PID1: variants seen among roughly 807,000 people sequenced by gnomAD.
PID1 encodes phosphotyrosine interaction domain containing 1.
Under a neutral mutation model 19.1 loss-of-function variants are expected in PID1, and 10 were observed. The observed-to-expected ratio is 0.52, with a 90% CI of 0.32 to 0.89. The LOEUF is 0.89. Ranked by LOEUF, PID1 falls within the 40% of genes least tolerant of loss-of-function variation. PID1 has a pLI of 0.03. For missense variants in PID1, 248 were observed against 285.3 expected (o/e 0.87, Z 0.94); for synonymous variants, 130 against 116.0 (o/e 1.12, Z -0.78).
intron 2 of PID1, among the ~76,000 whole-genome samples, chr2:229,135,027 G>A (rs1222769358): frequency 6.6e-6 from 1 of 152,124 alleles, no homozygotes; most frequent in African/African-American, 2.4e-5. Context: ...TAAAGAAGAG[G>A]AGAAAATAAG....
chr2:229,130,638 C>T (rs1246049982), intron 2 of PID1, among the ~76,000 whole-genome samples: 1 of 152,052 alleles, frequency 6.6e-6, no homozygotes, highest in Non-Finnish European at 1.5e-5. Context: ...AGTTCTCAAT[C>T]CATGTCTGTT....
chr2:229,255,016 A>G (rs1690256061), intron 1 of PID1, among the ~76,000 whole-genome samples: 1 of 152,214 alleles, frequency 6.6e-6, no homozygotes, highest in African/African-American at 2.4e-5. Context: ...CTAAATCTCA[A>G]TGTGATTAGA....
chr2:229,045,889 T>TA (rs1291502245), intron 2 of PID1, among the ~76,000 whole-genome samples: 6 of 152,342 alleles, frequency 3.9e-5, no homozygotes, highest in Admixed American at 3.9e-4. Flanking sequence ...CCTGGTCACT[T>TA]AACATGCTTT....
intron 1 of PID1, among the ~76,000 whole-genome samples, chr2:229,192,521 C>T (rs965817720): frequency 1.3e-5 from 2 of 152,092 alleles, no homozygotes; most frequent in African/African-American, 4.8e-5. Flanking sequence ...TGAGCTATCA[C>T]AAAAAGGAAA....
At chr2:229,039,453 C>T (rs981915018) in intron 2 of PID1, among the ~76,000 whole-genome samples, 1 of 151,996 alleles carries the variant, frequency 6.6e-6, no homozygotes, top group African/African-American at 2.4e-5. Flanking sequence ...TCTAAAAGAG[C>T]CATGTAGAAA....
At chr2:229,059,744 T>C (rs13398087) in intron 2 of PID1, among the ~76,000 whole-genome samples, 9,203 of 152,200 alleles carry the variant, frequency 0.06, 957 homozygotes, top group African/African-American at 0.21. Flanking sequence ...AATTGCAAAA[T>C]CTGTTAAATG....
intron 1 of PID1, among the ~76,000 whole-genome samples, chr2:229,221,072 T>C (rs1025246301): frequency 6.6e-6 from 1 of 152,216 alleles, no homozygotes; most frequent in African/African-American, 2.4e-5. Context: ...ATCACGTACA[T>C]ACATCTGGTA....
chr2:229,203,217 C>T (rs145022281), intron 1 of PID1, among the ~76,000 whole-genome samples: 48 of 152,116 alleles, frequency 3.2e-4, no homozygotes, highest in African/African-American at 1.0e-3. Flanking sequence ...CTGATATAGA[C>T]GGTAGGGCTA....
intron 2 of PID1, among the ~76,000 whole-genome samples, chr2:229,027,349 G>T (rs549103028): frequency 1.3e-5 from 2 of 152,320 alleles, no homozygotes; most frequent in South Asian, 4.1e-4. Flanking sequence ...TAACACATAG[G>T]CATGGGGATT....
chr2:229,050,211 T>C (rs1335798935), intron 2 of PID1, among the ~76,000 whole-genome samples: 1 of 152,194 alleles, frequency 6.6e-6, no homozygotes, highest in Non-Finnish European at 1.5e-5. Context: ...GGCCCGCAGC[T>C]GTATCTGTAC....
chr2:229,153,025 G>C (rs1690289897), intron 2 of PID1, among the ~76,000 whole-genome samples: 1 of 152,194 alleles, frequency 6.6e-6, no homozygotes, highest in Non-Finnish European at 1.5e-5. Context: ...TCCTTCTGCA[G>C]CTGGCATCTT....
intron 1 of PID1, among the ~76,000 whole-genome samples, chr2:229,218,694 C>A (rs1296244916): frequency 3.9e-5 from 6 of 152,052 alleles, no homozygotes; most frequent in Non-Finnish European, 7.4e-5. Flanking sequence ...AGGTTAGGAG[C>A]CCTGGGATTT....
intron 2 of PID1, among the ~76,000 whole-genome samples, chr2:229,048,654 AG>A (rs1693931506): frequency 6.6e-6 from 1 of 152,206 alleles, no homozygotes; most frequent in South Asian, 2.1e-4. Context: ...GTCAAAAGGA[AG>A]GGCAGACAGC....
intron 2 of PID1, among the ~76,000 whole-genome samples, chr2:229,086,224 G>T (rs189284272): frequency 6.6e-6 from 1 of 152,056 alleles, no homozygotes; most frequent in Non-Finnish European, 1.5e-5. Flanking sequence ...CCCATTGAAA[G>T]GTGAAAATAT....
At chr2:229,098,514 G>T (rs575830890) in intron 2 of PID1, among the ~76,000 whole-genome samples, 1 of 152,028 alleles carries the variant, frequency 6.6e-6, no homozygotes, top group Non-Finnish European at 1.5e-5. Flanking sequence ...TCGTGTGCCC[G>T]TAATTTTCTA....
At chr2:229,088,320 C>A (rs767054567) in intron 2 of PID1, among the ~76,000 whole-genome samples, 1 of 151,966 alleles carries the variant, frequency 6.6e-6, no homozygotes, top group Non-Finnish European at 1.5e-5. Context: ...GGCCCTAAGG[C>A]TATGATGATA....
At chr2:229,055,834 TAA>T (rs1694087442) in intron 2 of PID1, among the ~76,000 whole-genome samples, 1 of 152,182 alleles carries the variant, frequency 6.6e-6, no homozygotes, top group Non-Finnish European at 1.5e-5. Context: ...TCTAGTGCTT[TAA>T]AAGTTTCCAA....
intron 2 of PID1, among the ~76,000 whole-genome samples, chr2:229,069,178 T>TGTGTGA (rs756406662): frequency 1.4e-4 from 16 of 117,628 alleles, no homozygotes; most frequent in South Asian, 5.7e-4. Context: ...TGTGTGTGTG[T>TGTGTGA]GAGATGAGGG....
intron 1 of PID1, among the ~76,000 whole-genome samples, chr2:229,225,187 G>A (rs1415316969): frequency 2.0e-5 from 3 of 152,136 alleles, no homozygotes; most frequent in Non-Finnish European, 2.9e-5. Context: ...AGCTAGATTC[G>A]AGGAAATTTG....
Sources: allele counts gnomAD v4.1 joint callset (sites outside exome capture counted in the v4.1 genomes callset), GRCh38; gene constraint gnomAD v4.1.1; transcripts MANE v1.5; gene names NCBI Gene and HGNC (gene_info 2026-07-23, HGNC 2026-07-21).